The following ELOVL5 variants were observed in gnomAD, a reference collection of about 807,000 sequenced individuals.
The protein encoded by ELOVL5 is ELOVL fatty acid elongase 5, also known as very long chain fatty acid elongase 5.
Under a neutral mutation model 38.6 loss-of-function variants are expected in ELOVL5, and 8 were observed. The ratio of observed to expected loss-of-function variants is 0.21; its 90% CI spans 0.12 to 0.37. ELOVL5 has a LOEUF of 0.37. ELOVL5 is among the 10% of genes least tolerant of loss of function. The pLI is 1.00. For missense variants in ELOVL5, 280 were observed against 367.8 expected, an observed-to-expected ratio of 0.76 and a Z score of 1.95; for synonymous variants, 127 against 133.7, an observed-to-expected ratio of 0.95 and a Z score of 0.34.
intron 3 of ELOVL5, among the ~76,000 whole-genome samples, chr6:53,291,112 G>A (rs915812924): frequency 6.6e-6 from 1 of 152,120 alleles, no homozygotes; most frequent in Non-Finnish European, 1.5e-5. Context: ...CTTCAAAATA[G>A]GGAGAAGAGA....
At position 53,298,900 on chromosome 6, in the gene ELOVL5, CG is replaced by C. The variant is rs35819949; in HGVS notation, c.-8-3194del. On this transcript the variant is annotated intron_variant, in intron 1 of 7. Transcript: ENST00000304434. ...ACAGCAAGAGAAGGTGGGGGCAAGG[CG>C]GGGGGGGGGAGTTGATAATATATCA... Among the ~76,000 whole-genome samples the C allele has an allele frequency of 8.6e-3, 683 of 79,370 alleles. 14 individuals are homozygous for C. The highest frequency in any genetic ancestry group is 0.021 in the African/African-American group (453 of 21,894). The allele number at this position is 79,370 out of a possible 152,430, so 52.1% of individuals were successfully genotyped here.
chr6:53,306,670 A>C (rs1219336573), intron 1 of ELOVL5, among the ~76,000 whole-genome samples: 1 of 152,202 alleles, frequency 6.6e-6, no homozygotes, highest in East Asian at 1.9e-4. Flanking sequence ...AGGACCATTT[A>C]CAACAATCCA....
At chr6:53,319,139 C>T (rs1044659041) in intron 1 of ELOVL5, among the ~76,000 whole-genome samples, 14 of 151,650 alleles carry the variant, frequency 9.2e-5, no homozygotes, top group Non-Finnish European at 1.5e-4. Flanking sequence ...GGCGCAGTAG[C>T]GGGCGCCTGT....
In ELOVL5 at chr6:53,318,000, AT is replaced by A. The variant is rs891935411; in HGVS notation, c.-8-22294del. Among the ~76,000 whole-genome samples the A allele has an allele frequency of 4.6e-5, 7 of 152,134 alleles. No individual in the cohort carries two copies. In the South Asian group the frequency reaches 8.3e-4, roughly 18 times the overall value. ...CTATGTGCCAGTCTTTCTGCTGTAT[AT>A]TTACAAGGATAATCTCAGTCCTCAT... is the stretch of plus-strand genomic sequence containing the variant. On this transcript the variant is annotated intron_variant, in intron 1 of 7. Coordinates refer to ENST00000304434, the MANE Select transcript of ELOVL5 (RefSeq NM_021814.5).
At chr6:53,292,686 G>A (rs185592684) in intron 2 of ELOVL5, among the ~76,000 whole-genome samples, 541 of 152,364 alleles carry the variant, frequency 3.6e-3, no homozygotes, top group African/African-American at 0.011. Flanking sequence ...AGCTACTTGG[G>A]AGGCTGAGGT....
intron 4 of ELOVL5, among the ~76,000 whole-genome samples, 194 bp downstream of exon 4, chr6:53,275,985 T>C (rs1244385467): frequency 6.6e-6 from 1 of 152,256 alleles, no homozygotes; most frequent in African/African-American, 2.4e-5. Context: ...CAGAGGGGGA[T>C]GCTTTAGGTT....
chr6:53,305,909 G>C (rs9370191), intron 1 of ELOVL5, among the ~76,000 whole-genome samples: 1 of 151,418 alleles, frequency 6.6e-6, no homozygotes, highest in Non-Finnish European at 1.5e-5. Flanking sequence ...TCCAGCCTGG[G>C]CACCATTGAG....
intron 1 of ELOVL5, among the ~76,000 whole-genome samples, chr6:53,325,674 A>G (rs568912467): frequency 1.6e-4 from 24 of 152,314 alleles, no homozygotes; most frequent in African/African-American, 5.5e-4. Flanking sequence ...CTGTCACTTA[A>G]AAGACTGGTA....
intron 1 of ELOVL5, among the ~76,000 whole-genome samples, chr6:53,313,868 G>A (rs977095186): frequency 2.6e-5 from 4 of 152,204 alleles, no homozygotes; most frequent in Non-Finnish European, 5.9e-5. Flanking sequence ...GAAGAGTGAT[G>A]CCACCACGCT....
intron 1 of ELOVL5, among the ~76,000 whole-genome samples, chr6:53,327,195 C>T (rs1768585276): frequency 6.6e-6 from 1 of 152,108 alleles, no homozygotes; most frequent in African/African-American, 2.4e-5. Flanking sequence ...GATCTTTGTC[C>T]CCACCCTCCT....
chr6:53,304,718 T>C (rs1182560125), intron 1 of ELOVL5, among the ~76,000 whole-genome samples: 1 of 151,698 alleles, frequency 6.6e-6, no homozygotes. Flanking sequence ...ACACAGCACA[T>C]GTTTCAGAGA....
chr6:53,294,276 G>A (rs1374495135), intron 2 of ELOVL5: 1 of 1,557,758 alleles, frequency 6.4e-7, no homozygotes, highest in Non-Finnish European at 8.7e-7. Flanking sequence ...CCCCTCTGGT[G>A]GCTGGTTCAG....
At chr6:53,342,267 ATC>A (rs1769364619) in intron 1 of ELOVL5, among the ~76,000 whole-genome samples, 2 of 152,244 alleles carry the variant, frequency 1.3e-5, no homozygotes, top group African/African-American at 4.8e-5. Context: ...AGGGAGATAC[ATC>A]ACATTTCAAA....
chr6:53,334,848 T>C (rs1014717998), intron 1 of ELOVL5, among the ~76,000 whole-genome samples: 1 of 152,148 alleles, frequency 6.6e-6, no homozygotes, highest in East Asian at 1.9e-4. Flanking sequence ...GACTCCTCCC[T>C]CTGCAATGGA....
In ELOVL5 at chr6:53,276,199, C is replaced by G; in HGVS notation, c.304G>C (p.Ala102Pro). The change falls in exon 4 of 8, where the codon GCA becomes CCA. Residue 102 changes from alanine (A) to proline (P), a missense_variant. Ala to Pro is a conservative substitution (Grantham distance 27). Around this residue, in one of 3 missense-constraint regions of ELOVL5, gnomAD observed 150 missense variants for 178.0 expected, o/e 0.84. Transcript: ENST00000304434. ...YNFFCQGTRT[A>P]GESDMKIIRV... ...AGTACCTTCATATCTGATTCTCCTG[C>G]GGTGCGTGTGCCCTGACAGAAGAAG... 1 of 1,611,936 alleles carries G rather than the reference C, an allele frequency of 6.2e-7. No individual in the cohort carries two copies. The highest frequency in any genetic ancestry group is 1.1e-5 in the South Asian group (1 of 91,004).
chr6:53,285,884 A>G (rs13218255), intron 3 of ELOVL5, among the ~76,000 whole-genome samples: 56,957 of 151,778 alleles, frequency 0.38, 12,147 homozygotes, highest in African/African-American at 0.6. Flanking sequence ...AGGATTACAG[A>G]TGTACACCAT....
chr6:53,316,381 G>A (rs563205685), intron 1 of ELOVL5, among the ~76,000 whole-genome samples: 41 of 152,294 alleles, frequency 2.7e-4, no homozygotes, highest in African/African-American at 9.9e-4. Context: ...TTCTGTATGG[G>A]GACCAGTGGG....
rs1239550216 is a variant in ELOVL5 at position 53,268,217 on chromosome 6, T to C, written c.*910A>G. On this transcript the variant is annotated 3_prime_UTR_variant, in exon 8 of 8. Transcript: ENST00000304434. ...TCCCCATTGCTCATCTACGGGACTC[T>C]GTCAAACGGTAAATAGGCAATCATC... 2.6e-5 allele frequency: 4 copies of C among 152,188 alleles called. No homozygotes were observed. The highest frequency in any genetic ancestry group is 5.9e-5 in the Non-Finnish European group (4 of 68,042). 9.4% of individuals were successfully genotyped at this position (152,188 alleles called of 1,614,324 possible).
intron 1 of ELOVL5, among the ~76,000 whole-genome samples, chr6:53,336,160 T>G (rs1769058352): frequency 6.6e-6 from 1 of 152,246 alleles, no homozygotes; most frequent in Non-Finnish European, 1.5e-5. Context: ...TAATTCCTAC[T>G]GAGTCTTTTT....
Sources: gnomAD v4.1 joint callset for allele counts (sites outside exome capture counted in the v4.1 genomes callset) on GRCh38, gnomAD v4.1.1 for gene constraint, gnomAD v4.1.1 regional missense constraint, MANE v1.5 for transcripts, NCBI Gene and HGNC (gene_info 2026-07-23, HGNC 2026-07-21) for gene names.